Variants in ALX4 observed in about 807,000 individuals in gnomAD.
The protein encoded by ALX4 is ALX homeobox 4, also known as homeobox protein aristaless-like 4.
In ALX4, 22 loss-of-function variants were observed where a neutral mutation model predicts 40.6. The observed-to-expected ratio is 0.54, with a 90% CI of 0.39 to 0.77. ALX4 has a LOEUF of 0.77. ALX4 is among the 30% of genes least tolerant of loss of function. The probability of loss-of-function intolerance (pLI) is 0.00; values close to 1 mark genes in which losing one functional copy is unlikely to be tolerated. For missense variants in ALX4, 556 were observed against 564.8 expected (o/e 0.98, Z 0.16); for synonymous variants, 266 against 240.5 (o/e 1.11, Z -0.98).
At chr11:44,268,178 C>T (rs1956224278) in intron 2 of ALX4, among the ~76,000 whole-genome samples, 1 of 152,194 alleles carries the variant, frequency 6.6e-6, no homozygotes, top group African/African-American at 2.4e-5. Context: ...AGAACAGGGG[C>T]TCTGCTGGGC....
At chr11:44,295,300 T>C (rs191509072) in intron 1 of ALX4, among the ~76,000 whole-genome samples, 2 of 152,362 alleles carry the variant, frequency 1.3e-5, no homozygotes, top group East Asian at 3.9e-4. Context: ...TGAAATCTGT[T>C]TCCAGGTCCT....
chr11:44,294,780 AT>A (rs1384834641), intron 1 of ALX4, among the ~76,000 whole-genome samples: 2 of 152,196 alleles, frequency 1.3e-5, no homozygotes, highest in South Asian at 4.1e-4. Context: ...AACAGCTAAC[AT>A]TGACTGAGCA....
chr11:44,268,368 G>C (rs1956225277), intron 2 of ALX4, among the ~76,000 whole-genome samples: 2 of 152,172 alleles, frequency 1.3e-5, no homozygotes, highest in Admixed American at 1.3e-4. Context: ...GATCGCAGGG[G>C]GCCTTGACTG....
intron 1 of ALX4, among the ~76,000 whole-genome samples, chr11:44,292,108 C>T (rs186262258): frequency 3.9e-5 from 6 of 152,206 alleles, no homozygotes; most frequent in African/African-American, 1.2e-4. Flanking sequence ...TGAGCCACCT[C>T]GCCTGGCCCA....
intron 1 of ALX4, among the ~76,000 whole-genome samples, chr11:44,281,069 A>G (rs972929201): frequency 6.6e-5 from 10 of 152,130 alleles, no homozygotes; most frequent in Admixed American, 5.9e-4. Flanking sequence ...TAAAACAGGA[A>G]AACCCTTGAG....
chr11:44,265,283 C>G (rs765714715), intron 3 of ALX4, 100 bp from the exon 4 acceptor site: 8 of 1,155,802 alleles, frequency 6.9e-6, no homozygotes, highest in South Asian at 1.6e-5. Flanking sequence ...ACTGTCCATC[C>G]TTCCCATGAA....
At position 44,269,003 on chromosome 11, in the gene ALX4, T is replaced by C. The variant is rs186354293; in HGVS notation, c.778-1381A>G. Among the ~76,000 whole-genome samples the C allele has an allele frequency of 2.7e-3, 412 of 152,366 alleles. 3 individuals are homozygous for C. Among genetic ancestry groups the C allele is most frequent in the African/African-American group, 9.6e-3 (399 of 41,582 alleles). ...GCCAACTTTCCTGAGGTCCAGTCCC[T>C]GCTCTCCAGGTGGAAACATTTCTCC... On this transcript the variant is annotated intron_variant, in intron 2 of 3. Transcript: ENST00000652299.
At position 44,265,189 on chromosome 11, in the gene ALX4, AGAGG is replaced by A; in HGVS notation, c.907-10_907-7del. Reference sequence around the variant, plus strand: ...AGCCAGGACGGGTTCTGAATCTGGGAGAGGAAGGGAGAGATGTCACCGGCTGGCG... The same window carrying A: ...AGCCAGGACGGGTTCTGAATCTGGGAAAGGGAGAGATGTCACCGGCTGGCG... On this transcript the variant is annotated splice_polypyrimidine_tract_variant and splice_region_variant and intron_variant, in intron 3 of 3. Coordinates refer to ENST00000652299, the MANE Select transcript of ALX4 (RefSeq NM_021926.4). 1 of 1,595,004 alleles carries A rather than the reference AGAGG, an allele frequency of 6.3e-7. No individual in the cohort carries two copies. Among genetic ancestry groups the A allele is most frequent in the East Asian group, 2.2e-5 (1 of 44,492 alleles).
chr11:44,295,003 C>A (rs1956394895), intron 1 of ALX4, among the ~76,000 whole-genome samples: 1 of 152,096 alleles, frequency 6.6e-6, no homozygotes, highest in Non-Finnish European at 1.5e-5. Context: ...GCGCCCACCA[C>A]CACGCCCAGC....
rs1332085438 is a variant in ALX4, at chr11:44,309,746, T to G, written c.317A>C (p.Gln106Pro). The change falls in exon 1 of 4, where the codon CAG becomes CCG. Residue 106 changes from glutamine to proline, a missense_variant. Transcript: ENST00000652299. The part of the protein sequence containing the change: ...TPQPQPPPQP[Q>P]PQQQQPQPQP... ...GGGCTGCGGCTGCTGCTGCTGCGGC[T>G]GCGGCTGCGGCGGCGGCTGGGGCTG... 6.5e-7 allele frequency: 1 copy of G among 1,536,816 alleles called. No homozygotes were observed. Among genetic ancestry groups the G allele is most frequent in the African/African-American group, 1.6e-5 (1 of 60,626 alleles).
At chr11:44,293,342 G>T (rs1446825584) in intron 1 of ALX4, among the ~76,000 whole-genome samples, 1 of 152,120 alleles carries the variant, frequency 6.6e-6, no homozygotes, top group Non-Finnish European at 1.5e-5. Flanking sequence ...ACTTTGGGAG[G>T]CTGAGGTGGG....
At chr11:44,284,228 G>C (rs1024144502) in intron 1 of ALX4, among the ~76,000 whole-genome samples, 1 of 149,718 alleles carries the variant, frequency 6.7e-6, no homozygotes, top group South Asian at 2.1e-4. Context: ...GGGGGGCGGG[G>C]CGGGGCTGGT....
At chr11:44,278,774 G>T (rs1053579674) in intron 1 of ALX4, among the ~76,000 whole-genome samples, 3 of 152,210 alleles carry the variant, frequency 2.0e-5, no homozygotes, top group African/African-American at 4.8e-5. Context: ...CGGGGTAGTT[G>T]AGGGTCCCTC....
intron 1 of ALX4, among the ~76,000 whole-genome samples, chr11:44,288,927 CCTGGGT>C (rs1956354381): frequency 6.6e-6 from 1 of 152,220 alleles, no homozygotes; most frequent in African/African-American, 2.4e-5. Flanking sequence ...TCTGCCAAGG[CCTGGGT>C]CCCCTCCATC....
intron 2 of ALX4, among the ~76,000 whole-genome samples, chr11:44,271,979 A>C (rs10838249): frequency 0.25 from 38,517 of 152,082 alleles, 4,976 homozygotes; most frequent in African/African-American, 0.31. Context: ...CTGTCCCATA[A>C]CCAGCTATGC....
intron 1 of ALX4, among the ~76,000 whole-genome samples, chr11:44,302,998 C>T (rs1174395273): frequency 6.6e-6 from 1 of 152,164 alleles, no homozygotes; most frequent in Non-Finnish European, 1.5e-5. Context: ...TCTCCAAGGC[C>T]ATGGAGGAGT....
rs104894196 is a variant in ALX4, at chr11:44,267,585, C to T, written c.815G>A (p.Arg272Gln). The T allele has an allele frequency of 5.0e-6, 8 of 1,614,022 alleles. No individual in the cohort carries two copies. Among genetic ancestry groups the T allele is most frequent in the African/African-American group, 2.7e-5 (2 of 74,900 alleles). ...CTGCTGCATCTGCCCAAAACGCTCC[C>T]GCTTCCTCCACTTGGCCCTTCGGTT... is the stretch of plus-strand genomic sequence containing the variant. ...FQNRRAKWRKRERFGQMQQVR... is the reference protein window; with the variant it reads ...FQNRRAKWRKQERFGQMQQVR... The change falls in exon 3 of 4, where the codon CGG becomes CAG. Residue 272 changes from arginine (R) to glutamine (Q), a missense_variant. By Grantham distance (43) the Arg-to-Gln change is conservative. Transcript: ENST00000652299.
At chr11:44,286,592 C>T (rs1021901447) in intron 1 of ALX4, among the ~76,000 whole-genome samples, 1 of 152,140 alleles carries the variant, frequency 6.6e-6, no homozygotes, top group African/African-American at 2.4e-5. Context: ...AGACCCAGGT[C>T]CTAGCTGGGA....
intron 2 of ALX4, among the ~76,000 whole-genome samples, chr11:44,270,046 C>T (rs1440790859): frequency 6.6e-6 from 1 of 152,046 alleles, no homozygotes; most frequent in Admixed American, 6.5e-5. Flanking sequence ...GGAAGATGTC[C>T]CTACAGGCTC....
Sources: allele counts gnomAD v4.1 joint callset (sites outside exome capture counted in the v4.1 genomes callset), GRCh38; gene constraint gnomAD v4.1.1; transcripts MANE v1.5; gene names NCBI Gene and HGNC (gene_info 2026-07-23, HGNC 2026-07-21).